Variants in SCARB1 observed in about 807,000 individuals in gnomAD.
SCARB1 encodes the protein scavenger receptor class B member 1.
Under a neutral mutation model 57.2 loss-of-function variants are expected in SCARB1, and 30 were observed. The observed-to-expected ratio is 0.52, with a 90% CI of 0.39 to 0.71. The LOEUF (loss-of-function observed/expected upper bound fraction) is 0.71. Ranked by LOEUF, SCARB1 falls within the 30% of genes least tolerant of loss-of-function variation. SCARB1 has a pLI of 0.00. For synonymous variants in SCARB1, 249 were observed against 268.3 expected, an observed-to-expected ratio of 0.93 and a Z score of 0.70; for missense variants, 543 against 671.2, an observed-to-expected ratio of 0.81 and a Z score of 2.11.
chr12:124,845,236 A>G lies in SCARB1; in HGVS notation c.126+18359T>C, dbSNP rs1019924060. 5.3e-5 allele frequency among the ~76,000 whole-genome samples: 8 copies of G among 152,300 alleles called. No individual in the cohort carries two copies. The East Asian group carries it at 1.5e-3, about 29-fold the overall frequency. ...CACCAGCCCAGACGCCCATCCACAG[A>G]GGCGCGGAAAAACAGCATGCAGTGC... On this transcript the variant is annotated intron_variant, in intron 1 of 12. Coordinates refer to ENST00000261693, the MANE Select transcript of SCARB1 (RefSeq NM_005505.5).
At chr12:124,849,030 G>A (rs1363497568) in intron 1 of SCARB1, among the ~76,000 whole-genome samples, 2 of 152,204 alleles carry the variant, frequency 1.3e-5, no homozygotes, top group South Asian at 4.1e-4. Context: ...CCCTATGTAG[G>A]AGACACTTTT....
chr12:124,794,015 C>T (rs887844532), intron 9 of SCARB1, among the ~76,000 whole-genome samples: 4 of 152,136 alleles, frequency 2.6e-5, no homozygotes, highest in Non-Finnish European at 4.4e-5. Flanking sequence ...ACCTTGAAAA[C>T]GTGATCCTAA....
At chr12:124,863,284 TG>T (rs1471144976) in intron 1 of SCARB1, among the ~76,000 whole-genome samples, 1 of 152,262 alleles carries the variant, frequency 6.6e-6, no homozygotes, top group Non-Finnish European at 1.5e-5. Context: ...TGATCCGTCG[TG>T]GGCGCCCAGA....
chr12:124,803,757 T>C (rs1950226314), intron 7 of SCARB1, among the ~76,000 whole-genome samples: 1 of 148,778 alleles, frequency 6.7e-6, no homozygotes, highest in Non-Finnish European at 1.5e-5. Flanking sequence ...TGGTGGTGTG[T>C]ACCTGTGCTC....
chr12:124,778,621 G>C, intron 12 of SCARB1, 35 bp from the exon 13 acceptor site: 1 of 1,409,084 alleles, frequency 7.1e-7, no homozygotes, highest in Non-Finnish European at 9.2e-7. Context: ...GACCACCCAC[G>C]CCCTGTCACC....
chr12:124,792,322 G>A (rs1335813105), intron 9 of SCARB1, among the ~76,000 whole-genome samples: 2 of 152,116 alleles, frequency 1.3e-5, no homozygotes, highest in African/African-American at 2.4e-5. Context: ...CTTTCCTGGA[G>A]TGCCTTGTTC....
At position 124,778,032 on chromosome 12, in the gene SCARB1, G is replaced by A. The variant is rs931207828; in HGVS notation, c.*555C>T. 1 of 160,826 alleles carries A rather than the reference G, an allele frequency of 6.2e-6. No homozygotes were observed. Among genetic ancestry groups the A allele is most frequent in the African/African-American group, 2.4e-5 (1 of 41,814 alleles). 10.0% of individuals were successfully genotyped at this position (160,826 alleles called of 1,614,324 possible). A position where few individuals can be genotyped will look rare whatever the true frequency, so the allele number is the denominator to read the frequency against. On this transcript the variant is annotated 3_prime_UTR_variant, in exon 13 of 13. Transcript: ENST00000261693. ...TGTGCTCACTCCATTGTTTTCCGAG[G>A]CCTGTGTAAAGGCGCTTTGCCTGGC...
At chr12:124,815,823 G>A (rs1406751399) in intron 2 of SCARB1, among the ~76,000 whole-genome samples, 3 of 152,070 alleles carry the variant, frequency 2.0e-5, no homozygotes, top group Non-Finnish European at 4.4e-5. Flanking sequence ...CCGAGATCGC[G>A]CCACCGCACT....
At chr12:124,837,535 AAAG>A (rs1221373817) in intron 1 of SCARB1, among the ~76,000 whole-genome samples, 44 of 13,358 alleles carry the variant, frequency 3.3e-3, no homozygotes, top group Non-Finnish European at 5.3e-3. Context: ...AAAGAAAAAG[AAAG>A]AAAAGAAAAG....
At chr12:124,841,481 C>CAAA (rs1158202606) in intron 1 of SCARB1, among the ~76,000 whole-genome samples, 1 of 107,858 alleles carries the variant, frequency 9.3e-6, no homozygotes, top group Middle Eastern at 4.7e-3. Flanking sequence ...GACTCTGTCT[C>CAAA]AAAAAAAAAA....
rs143448623 is a variant in SCARB1 at position 124,810,505 on chromosome 12, G to C, written c.727-216C>G. On this transcript the variant is annotated intron_variant, in intron 5 of 12. Transcript: ENST00000261693. The surrounding 1 kb of genome is among the most constrained non-coding windows in gnomAD (Gnocchi z 4.0). ...CCCCTGAATGTGTAACTTCGCTAGGGACTCAGTTCTTTCATCTGCAAAATA... is the reference window on the plus strand; with the variant it reads ...CCCCTGAATGTGTAACTTCGCTAGGCACTCAGTTCTTTCATCTGCAAAATA... 1.8e-4 allele frequency among the ~76,000 whole-genome samples: 27 copies of C among 152,258 alleles called. No homozygotes were observed. The highest frequency in any genetic ancestry group is 3.4e-3 in the Middle Eastern group (1 of 292).
rs751679858 is a variant in SCARB1 at position 124,824,162 on chromosome 12, C to T, written c.127-6455G>A. Among the ~76,000 whole-genome samples, 5 of 131,884 alleles carry T rather than the reference C, an allele frequency of 3.8e-5. No individual in the cohort carries two copies. In the South Asian group the frequency reaches 8.1e-4, roughly 21 times the overall value. The allele number at this position is 131,884 out of a possible 152,430, so 86.5% of individuals were successfully genotyped here. ...CTGCACTCCAGCCTGGGTAACAGAC[C>T]GAGATTTCATCTCAAAAAAAAAAAA... On this transcript the variant is annotated intron_variant, in intron 1 of 12. Transcript: ENST00000261693.
At chr12:124,795,516 C>T (rs1241700164) in intron 8 of SCARB1, among the ~76,000 whole-genome samples, 1 of 152,186 alleles carries the variant, frequency 6.6e-6, no homozygotes, top group Admixed American at 6.5e-5. Flanking sequence ...GCTTCCCACA[C>T]AGTTATGTTC....
intron 12 of SCARB1, among the ~76,000 whole-genome samples, chr12:124,782,069 C>A (rs1403218287): frequency 6.6e-6 from 1 of 152,046 alleles, no homozygotes; most frequent in East Asian, 1.9e-4. Context: ...CCACACCCAG[C>A]TAATTTTTTT....
rs1950785302 is a variant in SCARB1, at chr12:124,817,450, C to A, written c.284+100G>T. On this transcript the variant is annotated intron_variant, in intron 2 of 12. Coordinates refer to ENST00000261693, the MANE Select transcript of SCARB1 (RefSeq NM_005505.5). This position sits in a 1 kb window ranked among gnomAD's most constrained non-coding sequence, Gnocchi z 4.8. ...GACTTGCCTGCTTCCGGAACAATCT[C>A]TGGGGCTCAGTCAGCAGCCTCCCCA... 1 of 1,198,112 alleles carries A rather than the reference C, an allele frequency of 8.3e-7. No individual in the cohort carries two copies. The highest frequency in any genetic ancestry group is 1.2e-6 in the Non-Finnish European group (1 of 838,038). 74.2% of individuals were successfully genotyped at this position (1,198,112 alleles called of 1,614,324 possible).
chr12:124,814,066 T>C lies in SCARB1; in HGVS notation c.630+136A>G, dbSNP rs1421869648. On this transcript the variant is annotated intron_variant, in intron 4 of 12. Coordinates refer to ENST00000261693, the MANE Select transcript of SCARB1 (RefSeq NM_005505.5). This position sits in a 1 kb window ranked among gnomAD's most constrained non-coding sequence, Gnocchi z 4.7. ...TTCACTCAAGCCGGTTTGAGTCAGG[T>C]TCTCAGTCACTTACAACCCACAGCC... 3.6e-6 allele frequency: 3 copies of C among 831,842 alleles called. No individual in the cohort carries two copies. The highest frequency in any genetic ancestry group is 1.8e-5 in the Admixed American group (1 of 56,526). 51.5% of individuals were successfully genotyped at this position (831,842 alleles called of 1,614,324 possible).
intron 1 of SCARB1, among the ~76,000 whole-genome samples, chr12:124,858,191 T>C (rs1407808908): frequency 6.6e-6 from 1 of 152,112 alleles, no homozygotes; most frequent in Non-Finnish European, 1.5e-5. Flanking sequence ...ACACATACAC[T>C]AGCGAGGTCA....
At chr12:124,854,842 C>T (rs759129126) in intron 1 of SCARB1, among the ~76,000 whole-genome samples, 6 of 151,964 alleles carry the variant, frequency 3.9e-5, no homozygotes, top group Non-Finnish European at 8.8e-5. Context: ...CCTTTGACCC[C>T]GAGTTGAGAT....
intron 9 of SCARB1, among the ~76,000 whole-genome samples, chr12:124,788,115 G>A (rs1469848762): frequency 1.3e-5 from 2 of 152,132 alleles, no homozygotes; most frequent in Non-Finnish European, 2.9e-5. Flanking sequence ...ATACCCCCAG[G>A]GATAAGGGGT....
Sources: allele counts gnomAD v4.1 joint callset (sites outside exome capture counted in the v4.1 genomes callset), GRCh38; gene constraint gnomAD v4.1.1; non-coding constraint Gnocchi (gnomAD v3.1); transcripts MANE v1.5; gene names NCBI Gene and HGNC (gene_info 2026-07-23, HGNC 2026-07-21).